The following TXNRD1 variants were observed in gnomAD, a reference collection of about 807,000 sequenced individuals.
TXNRD1 encodes thioredoxin reductase 1, also known as thioredoxin reductase 1, cytoplasmic.
Under a neutral mutation model 80.3 loss-of-function variants are expected in TXNRD1, and 57 were observed. The ratio of observed to expected loss-of-function variants is 0.71; its 90% confidence interval spans 0.57 to 0.89. TXNRD1 has a LOEUF of 0.89. Among genes scored for constraint, TXNRD1 ranks in the 40% least tolerant of loss-of-function variants. TXNRD1 has a pLI of 0.00. For synonymous variants in TXNRD1, 291 were observed against 285.2 expected (o/e 1.02, Z -0.20); for missense variants, 730 against 803.0 (o/e 0.91, Z 1.10).
chr12:104,258,304 C>G (rs1183887423), intron 3 of TXNRD1: 3 of 407,448 alleles, frequency 7.4e-6, no homozygotes, highest in Non-Finnish European at 1.3e-5. Flanking sequence ...AGAGTTTCCT[C>G]TTATTGAAAT....
chr12:104,256,964 A>G (rs1288596776), intron 2 of TXNRD1, among the ~76,000 whole-genome samples: 2 of 140,862 alleles, frequency 1.4e-5, no homozygotes, highest in Non-Finnish European at 3.1e-5. Context: ...AGATGAGAAT[A>G]TATTTTCTTT....
In TXNRD1 at chr12:104,326,460, A is replaced by ATTTTTTTT. The variant is rs371884469; in HGVS notation, c.1385+52_1385+59dup. 2.3e-4 allele frequency: 123 copies of ATTTTTTTT among 540,138 alleles called. 17 individuals are homozygous for ATTTTTTTT. Among genetic ancestry groups the ATTTTTTTT allele is most frequent in the Admixed American group, 2.2e-4 (4 of 17,858 alleles). The allele number at this position is 540,138 out of a possible 1,614,324, so 33.5% of individuals were successfully genotyped here. On this transcript the variant is annotated intron_variant, in intron 12 of 16. Coordinates refer to ENST00000525566, the MANE Select transcript of TXNRD1 (RefSeq NM_001093771.3). ...ATCTTTATTATGTCATATTTGTGGG[A>ATTTTTTTT]TTTTTTTTTTTTTTTTTTTTTTGAG... is the stretch of plus-strand genomic sequence containing the variant.
intron 3 of TXNRD1, among the ~76,000 whole-genome samples, chr12:104,274,001 G>A (rs935405805): frequency 6.6e-6 from 1 of 152,020 alleles, no homozygotes; most frequent in Non-Finnish European, 1.5e-5. Flanking sequence ...GCAGTGAGCC[G>A]AGATAGTGAC....
intron 3 of TXNRD1, among the ~76,000 whole-genome samples, chr12:104,268,473 TG>T (rs1407189160): frequency 6.6e-6 from 1 of 151,484 alleles, no homozygotes; most frequent in Non-Finnish European, 1.5e-5. Flanking sequence ...TGCAGAGAGC[TG>T]AGATCGCGCC....
At position 104,288,930 on chromosome 12, in the gene TXNRD1, G is replaced by C; in HGVS notation, c.305-1G>C. 5 of 1,614,060 alleles carry C rather than the reference G, an allele frequency of 3.1e-6. No homozygotes were observed. Among genetic ancestry groups the C allele is most frequent in the Non-Finnish European group, 4.2e-6 (5 of 1,179,896 alleles). ...CTCCGCTCTGCTTTTGTGCCACACA[G>C]AGGACGGTCGGGCCCTGGAAGGAAC... On this transcript the variant is annotated splice_acceptor_variant, in intron 3 of 16. Coordinates refer to ENST00000525566, the MANE Select transcript of TXNRD1 (RefSeq NM_001093771.3). LOFTEE classifies it high-confidence loss of function.
chr12:104,327,483 T>C (rs369477112), intron 12 of TXNRD1, 32 bp from the exon 13 acceptor site: 2 of 1,586,174 alleles, frequency 1.3e-6, no homozygotes, highest in African/African-American at 2.7e-5. Context: ...TAATGGTAAT[T>C]AATGATGATT....
chr12:104,341,717 CCT>C (rs1776801294), intron 16 of TXNRD1, among the ~76,000 whole-genome samples: 1 of 152,044 alleles, frequency 6.6e-6, no homozygotes, highest in Admixed American at 6.5e-5. Context: ...AGCTGGGTGA[CCT>C]CTAATGTAAC....
At chr12:104,338,996 G>T in intron 15 of TXNRD1, 143 bp from the exon 16 acceptor site, 1 of 1,090,572 alleles carries the variant, frequency 9.2e-7, no homozygotes, top group Non-Finnish European at 1.3e-6. Context: ...GATTACAGGC[G>T]TGAGCCACTG....
chr12:104,293,439 A>G (rs1419085541), intron 4 of TXNRD1, among the ~76,000 whole-genome samples: 1 of 152,184 alleles, frequency 6.6e-6, no homozygotes, highest in Admixed American at 6.5e-5. Context: ...CTTGGGGGGT[A>G]GATGCTGAGA....
At chr12:104,288,512 T>C (rs1459477054) in intron 3 of TXNRD1, among the ~76,000 whole-genome samples, 3 of 152,212 alleles carry the variant, frequency 2.0e-5, no homozygotes, top group African/African-American at 7.2e-5. Flanking sequence ...GCATTCAGTA[T>C]AGATGCAGAG....
At chr12:104,323,267 A>G (rs1349637165) in intron 10 of TXNRD1, among the ~76,000 whole-genome samples, 1 of 146,628 alleles carries the variant, frequency 6.8e-6, no homozygotes, top group East Asian at 2.1e-4. Flanking sequence ...CCGCCTTTCT[A>G]TTCCACAAAG....
intron 4 of TXNRD1, among the ~76,000 whole-genome samples, chr12:104,293,402 A>G (rs749806897): frequency 6.6e-6 from 1 of 152,178 alleles, no homozygotes; most frequent in Non-Finnish European, 1.5e-5. Flanking sequence ...AATTTTGCAG[A>G]CAGTTGCGGT....
chr12:104,259,522 G>A (rs1469938027), intron 3 of TXNRD1, among the ~76,000 whole-genome samples: 2 of 138,520 alleles, frequency 1.4e-5, no homozygotes, highest in Non-Finnish European at 1.5e-5. Flanking sequence ...ATGGAGTTTC[G>A]CTCTTGTTGC....
chr12:104,331,681 CT>C (rs769905017), intron 14 of TXNRD1, 40 bp downstream of exon 14: 50 of 1,318,310 alleles, frequency 3.8e-5, no homozygotes, highest in South Asian at 3.6e-4. Context: ...TATATCACTA[CT>C]TTTTTTTCTT....
chr12:104,267,707 TTC>T lies in TXNRD1; in HGVS notation c.304+9630_304+9631del, dbSNP rs1333399715. On this transcript the variant is annotated intron_variant, in intron 3 of 16. Coordinates refer to ENST00000525566, the MANE Select transcript of TXNRD1 (RefSeq NM_001093771.3). ...TTTCTTTCTTTCTTTCTTTCTCTCTTTCTTTCTTTCTTTCTCTTTCTTTCTTT... is the reference window on the plus strand; with the variant it reads ...TTTCTTTCTTTCTTTCTTTCTCTCTTTTTCTTTCTTTCTCTTTCTTTCTTT... Among the ~76,000 whole-genome samples the T allele has an allele frequency of 5.2e-3, 320 of 61,184 alleles. 2 individuals are homozygous for T. The highest frequency in any genetic ancestry group is 9.0e-3 in the Non-Finnish European group (236 of 26,190). The allele number at this position is 61,184 out of a possible 152,430, so 40.1% of individuals were successfully genotyped here.
intron 3 of TXNRD1, among the ~76,000 whole-genome samples, chr12:104,274,714 A>G (rs1035511351): frequency 7.2e-6 from 1 of 139,520 alleles, no homozygotes; most frequent in Non-Finnish European, 1.6e-5. Context: ...AAAAAAATTA[A>G]TAATAAAAAA....
intron 2 of TXNRD1, among the ~76,000 whole-genome samples, chr12:104,252,690 A>ATTTTTTTTTTTT (rs869239974): frequency 5.0e-5 from 2 of 39,650 alleles, no homozygotes; most frequent in African/African-American, 2.3e-4. Flanking sequence ...ATATATATAT[A>ATTTTTTTTTTTT]TTTTTTTTTT....
chr12:104,283,545 C>T (rs1453119800), intron 3 of TXNRD1, among the ~76,000 whole-genome samples: 18 of 152,026 alleles, frequency 1.2e-4, no homozygotes, highest in Admixed American at 3.9e-4. Context: ...CCATTGCACC[C>T]GGCCTCACAC....
intron 5 of TXNRD1, among the ~76,000 whole-genome samples, chr12:104,312,405 T>C (rs1197658417): frequency 6.6e-6 from 1 of 152,218 alleles, no homozygotes; most frequent in African/African-American, 2.4e-5. Context: ...GTGGTTATAA[T>C]TCCCTAAGGT....
Sources: gnomAD v4.1 joint callset for allele counts (sites outside exome capture counted in the v4.1 genomes callset) on GRCh38, gnomAD v4.1.1 for gene constraint, MANE v1.5 for transcripts, NCBI Gene and HGNC (gene_info 2026-07-23, HGNC 2026-07-21) for gene names.